SOS2: variants seen among roughly 807,000 people sequenced by gnomAD.
SOS2 encodes the protein son of sevenless homolog 2.
In SOS2, 65 loss-of-function variants were observed where a neutral mutation model predicts 148.2. The ratio of observed to expected loss-of-function variants is 0.44; its 90% CI spans 0.36 to 0.54. SOS2 has a LOEUF of 0.54. Among genes scored for constraint, SOS2 ranks in the 20% least tolerant of loss-of-function variants. The pLI, the probability that SOS2 is intolerant of heterozygous loss-of-function variation, is 0.00. For missense variants in SOS2, 1,341 were observed against 1,590.2 expected (o/e 0.84, Z 2.67); for synonymous variants, 539 against 537.1 (o/e 1.00, Z -0.05).
intron 1 of SOS2, among the ~76,000 whole-genome samples, chr14:50,217,815 G>A (rs191620358): frequency 1.3e-5 from 2 of 152,142 alleles, no homozygotes; most frequent in East Asian, 3.9e-4. Context: ...AATTAGCTGG[G>A]CGTGGTGGCG....
intron 7 of SOS2, 58 bp from the exon 8 acceptor site, chr14:50,174,610 G>T: frequency 1.0e-6 from 1 of 991,242 alleles, no homozygotes. Context: ...ATATGCAACA[G>T]CAGTGCCTAA....
chr14:50,180,818 G>A (rs1461129818), intron 6 of SOS2, 136 bp from the exon 7 acceptor site: 9 of 498,264 alleles, frequency 1.8e-5, no homozygotes, highest in South Asian at 6.5e-5. Flanking sequence ...ATTCCAGCTC[G>A]AGCAACAGAG....
intron 2 of SOS2, among the ~76,000 whole-genome samples, chr14:50,204,003 C>T (rs1483277076): frequency 1.3e-5 from 2 of 151,936 alleles, no homozygotes; most frequent in African/African-American, 4.8e-5. Flanking sequence ...ATGTCTAAGG[C>T]CATGATCCAT....
rs1335506670 is a variant in SOS2, at chr14:50,224,302, AAAATATATAT to A, written c.87+6885_87+6894del. 4.4e-3 allele frequency among the ~76,000 whole-genome samples: 348 copies of A among 79,860 alleles called. 12 individuals are homozygous for A. The highest frequency in any genetic ancestry group is 0.017 in the African/African-American group (323 of 18,784). The allele number at this position is 79,860 out of a possible 152,430, so 52.4% of individuals were successfully genotyped here. ...CAAGACTCCGTCTCAGGAAAAAAAA[AAAATATATAT>A]ATACACACACACACACACACACACA... On this transcript the variant is annotated intron_variant, in intron 1 of 22. Coordinates refer to ENST00000216373, the MANE Select transcript of SOS2 (RefSeq NM_006939.4).
At chr14:50,198,470 A>G (rs1271067785) in intron 4 of SOS2, among the ~76,000 whole-genome samples, 1 of 152,192 alleles carries the variant, frequency 6.6e-6, no homozygotes, top group Non-Finnish European at 1.5e-5. Flanking sequence ...AATCGGTCTC[A>G]GTCATTATAA....
At position 50,138,767 on chromosome 14, in the gene SOS2, T is replaced by A; in HGVS notation, c.2803A>T (p.Ile935Phe). 1.0e-6 allele frequency: 1 copy of A among 983,042 alleles called. No homozygotes were observed. The highest frequency in any genetic ancestry group is 1.6e-5 in the South Asian group (1 of 63,114). The allele number at this position is 983,042 out of a possible 1,614,324, so 60.9% of individuals were successfully genotyped here. A position where few individuals can be genotyped will look rare whatever the true frequency, so the allele number is the denominator to read the frequency against. Residue 935 changes from isoleucine (I) to phenylalanine (F), a missense_variant, in exon 18 of 23, where the codon ATT becomes TTT. Ile to Phe is a conservative substitution (Grantham distance 21). This residue lies in a region of SOS2 where 408 missense variants were observed against 506.6 expected (regional missense o/e 0.81). Coordinates refer to ENST00000216373, the MANE Select transcript of SOS2 (RefSeq NM_006939.4). ...TTATTCCCTTCTTCGGTCTTCAGAA[T>A]ATTTGTTAAATATATTCCTAGTAAA... is the stretch of plus-strand genomic sequence containing the variant. ...VPFFGIYLTNILKTEEGNNDF... is the reference protein window; with the variant it reads ...VPFFGIYLTNFLKTEEGNNDF...
chr14:50,181,686 T>G (rs887448957), intron 6 of SOS2, among the ~76,000 whole-genome samples: 1 of 152,100 alleles, frequency 6.6e-6, no homozygotes. Flanking sequence ...AGTTATAAAA[T>G]AGTGGGATCC....
chr14:50,148,409 C>CA lies in SOS2; in HGVS notation c.2384+1598dup, dbSNP rs3072684. Among the ~76,000 whole-genome samples, 480 of 118,290 alleles carry CA rather than the reference C, an allele frequency of 4.1e-3. 3 individuals are homozygous for CA. Among genetic ancestry groups the CA allele is most frequent in the African/African-American group, 0.013 (390 of 29,136 alleles). 77.6% of individuals were successfully genotyped at this position (118,290 alleles called of 152,430 possible). On this transcript the variant is annotated intron_variant, in intron 14 of 22. Coordinates refer to ENST00000216373, the MANE Select transcript of SOS2 (RefSeq NM_006939.4). ...TGGGTGACAGAGCAAGACACCATCT[C>CA]AAAAAAAAAAAAAAAAAAAAATTTA...
At chr14:50,231,175 C>T in intron 1 of SOS2, 22 bp downstream of exon 1, 2 of 1,362,026 alleles carry the variant, frequency 1.5e-6, no homozygotes, top group African/African-American at 1.5e-5. Context: ...CACCCGCCGG[C>T]CGCCCCGCCC....
At position 50,188,644 on chromosome 14, in the gene SOS2, A is replaced by G. The variant is rs745312007; in HGVS notation, c.567T>C (p.Asp189=). ...DDIGLVSLCE[D]EPSSSGELNY... ...TTAATTCACCAGAAGAACTAGGTTC[A>G]TCTTCACAGAGAGAAACCAAACCTA... Residue 189 remains aspartate (D), a synonymous_variant, in exon 5 of 23, where the codon GAT becomes GAC. Coordinates refer to ENST00000216373, the MANE Select transcript of SOS2 (RefSeq NM_006939.4). 3.7e-6 allele frequency: 6 copies of G among 1,609,334 alleles called. No homozygotes were observed. Among genetic ancestry groups the G allele is most frequent in the Non-Finnish European group, 5.1e-6 (6 of 1,177,398 alleles).
At chr14:50,142,234 C>G (rs973965814) in intron 16 of SOS2, among the ~76,000 whole-genome samples, 2 of 152,060 alleles carry the variant, frequency 1.3e-5, no homozygotes, top group Non-Finnish European at 2.9e-5. Context: ...TCTCAAACTC[C>G]TGGCCTCATG....
intron 1 of SOS2, among the ~76,000 whole-genome samples, chr14:50,227,589 G>GT (rs1007443373): frequency 5.3e-5 from 8 of 151,786 alleles, no homozygotes; most frequent in Admixed American, 1.3e-4. Flanking sequence ...AATTTTTTGG[G>GT]TTTTTTTCTG....
intron 1 of SOS2, among the ~76,000 whole-genome samples, chr14:50,227,629 G>C (rs1887419218): frequency 6.6e-6 from 1 of 152,148 alleles, no homozygotes; most frequent in African/African-American, 2.4e-5. Context: ...GTTTCACCGT[G>C]TTAGCCAGCA....
chr14:50,182,026 T>C (rs1274408978), intron 6 of SOS2, among the ~76,000 whole-genome samples: 1 of 151,548 alleles, frequency 6.6e-6, no homozygotes, highest in Middle Eastern at 3.4e-3. Context: ...GTTACTACTC[T>C]AGTTTATATA....
chr14:50,140,701 A>G (rs1435975763), intron 16 of SOS2, among the ~76,000 whole-genome samples: 1 of 152,164 alleles, frequency 6.6e-6, no homozygotes, highest in Non-Finnish European at 1.5e-5. Flanking sequence ...CCTAGCTAGC[A>G]TGGACAAGTA....
intron 5 of SOS2, 127 bp from the exon 6 acceptor site, chr14:50,182,733 A>C: frequency 1.5e-6 from 1 of 681,908 alleles, no homozygotes; most frequent in Non-Finnish European, 2.4e-6. Context: ...TCCACAAGAA[A>C]CAGTACTTTT....
At chr14:50,194,131 A>G (rs1210755165) in intron 4 of SOS2, among the ~76,000 whole-genome samples, 1 of 152,248 alleles carries the variant, frequency 6.6e-6, no homozygotes, top group Non-Finnish European at 1.5e-5. Context: ...AAGGACCAGC[A>G]AACTACAGGC....
intron 1 of SOS2, among the ~76,000 whole-genome samples, chr14:50,205,688 T>G (rs763216359): frequency 6.6e-6 from 1 of 152,062 alleles, no homozygotes; most frequent in Non-Finnish European, 1.5e-5. Context: ...TCCCAGCACT[T>G]TGGGAGGCCG....
intron 17 of SOS2, 90 bp downstream of exon 17, chr14:50,139,852 T>A: frequency 1.7e-6 from 1 of 598,624 alleles, no homozygotes; most frequent in Non-Finnish European, 3.0e-6. Flanking sequence ...TGAGCTCAGA[T>A]ATAAAATAAA....
Sources: gnomAD v4.1 joint callset for allele counts (sites outside exome capture counted in the v4.1 genomes callset) on GRCh38, gnomAD v4.1.1 for gene constraint, gnomAD v4.1.1 regional missense constraint, MANE v1.5 for transcripts, NCBI Gene and HGNC (gene_info 2026-07-23, HGNC 2026-07-21) for gene names.